ATP6V1C2: variants seen among roughly 807,000 people sequenced by gnomAD.
ATP6V1C2 encodes the protein V-type proton ATPase subunit C 2.
In ATP6V1C2, 45 loss-of-function variants were observed where a neutral mutation model predicts 56.8. The ratio of observed to expected loss-of-function variants is 0.79; its 90% CI spans 0.62 to 1.02. The LOEUF (loss-of-function observed/expected upper bound fraction) is 1.02. Among genes scored for constraint, ATP6V1C2 ranks in the 50% least tolerant of loss-of-function variants. The pLI is 0.00. For synonymous variants in ATP6V1C2, 220 were observed against 201.3 expected (o/e 1.09, Z -0.79); for missense variants, 463 against 519.7 (o/e 0.89, Z 1.06).
At chr2:10,731,551 A>G (rs1228090616) in intron 3 of ATP6V1C2, among the ~76,000 whole-genome samples, 2 of 152,220 alleles carry the variant, frequency 1.3e-5, no homozygotes, top group Admixed American at 1.3e-4. Flanking sequence ...GCTAAACCTA[A>G]GAAAGGCCTG....
rs1227574785 is a variant in ATP6V1C2 at position 10,780,168 on chromosome 2, C to T, written c.1061+1499C>T. 6.6e-6 allele frequency among the ~76,000 whole-genome samples: 1 copy of T among 152,186 alleles called. No individual in the cohort carries two copies. The highest frequency in any genetic ancestry group is 1.9e-4 in the East Asian group (1 of 5,176). The stretch of plus-strand genomic sequence containing the variant: ...GCCATCTGCCTGCCGTAGGCTTTAC[C>T]TGGGTATCTGTCTCATCTCCCCTCC... On this transcript the variant is annotated intron_variant, in intron 12 of 13. Transcript: ENST00000272238. This position sits in a 1 kb window ranked among gnomAD's most constrained non-coding sequence, Gnocchi z 4.1.
At chr2:10,770,968 G>C (rs1664562910) in intron 6 of ATP6V1C2, among the ~76,000 whole-genome samples, 1 of 152,258 alleles carries the variant, frequency 6.6e-6, no homozygotes, top group Non-Finnish European at 1.5e-5. Context: ...AGGTGAGCCA[G>C]GGAGAGAGGT....
Position 10,783,162 on chromosome 2 carries a change from C to T in ATP6V1C2, c.1195-12C>T. On this transcript the variant is annotated splice_polypyrimidine_tract_variant and intron_variant, in intron 13 of 13. Coordinates refer to ENST00000272238, the MANE Select transcript of ATP6V1C2 (RefSeq NM_001039362.2). ...TTATGCACTTAGAGCATTACCATGT[C>T]TTCTTTTGTAGGCATCTGTGGAGAT... 6.2e-7 allele frequency: 1 copy of T among 1,605,306 alleles called. No individual in the cohort carries two copies. The highest frequency in any genetic ancestry group is 8.5e-7 in the Non-Finnish European group (1 of 1,172,128).
chr2:10,732,949 G>A (rs1662045530), intron 3 of ATP6V1C2, among the ~76,000 whole-genome samples: 1 of 144,458 alleles, frequency 6.9e-6, no homozygotes, highest in African/African-American at 2.6e-5. Flanking sequence ...CCAGCCTGAC[G>A]ACAGAGCAAG....
At chr2:10,722,318 TA>T (rs1057205469) in intron 1 of ATP6V1C2, among the ~76,000 whole-genome samples, 27 of 152,062 alleles carry the variant, frequency 1.8e-4, no homozygotes, top group African/African-American at 4.1e-4. Context: ...TTTTCTTATT[TA>T]AAAAAATCCT....
At chr2:10,748,555 T>TA (rs1196139076) in intron 3 of ATP6V1C2, among the ~76,000 whole-genome samples, 2 of 152,192 alleles carry the variant, frequency 1.3e-5, no homozygotes, top group African/African-American at 2.4e-5. Context: ...TCAAGGTCTT[T>TA]ATATATTGTT....
intron 7 of ATP6V1C2, 25 bp downstream of exon 7, chr2:10,771,962 A>C: frequency 6.2e-7 from 1 of 1,601,724 alleles, no homozygotes; most frequent in Non-Finnish European, 8.6e-7. Context: ...ATCACGAAGG[A>C]AACCGGCCCT....
At position 10,768,785 on chromosome 2, in the gene ATP6V1C2, C is replaced by T. The variant is rs1468591690; in HGVS notation, c.445C>T (p.Leu149=). Residue 149 remains leucine (L), a synonymous_variant, in exon 6 of 14, where the codon CTG becomes TTG. Transcript: ENST00000272238. The stretch of plus-strand genomic sequence containing the variant: ...CGCCTACAACACTCTGAAGACAAAC[C>T]TGGAGAACCTGGAAAAGAAATCCAT... ...TAAYNTLKTN[L]ENLEKKSMGN... 1.2e-6 allele frequency: 2 copies of T among 1,613,932 alleles called. No individual in the cohort carries two copies. Among genetic ancestry groups the T allele is most frequent in the Non-Finnish European group, 1.7e-6 (2 of 1,180,008 alleles).
chr2:10,740,954 T>C (rs1186818535), intron 3 of ATP6V1C2, among the ~76,000 whole-genome samples: 1 of 152,258 alleles, frequency 6.6e-6, no homozygotes, highest in Non-Finnish European at 1.5e-5. Flanking sequence ...CCCAAAGTGC[T>C]GGGATTACAG....
intron 12 of ATP6V1C2, among the ~76,000 whole-genome samples, chr2:10,781,498 A>G (rs183020391): frequency 6.6e-6 from 1 of 152,212 alleles, no homozygotes; most frequent in African/African-American, 2.4e-5. Flanking sequence ...ATAGATAAAT[A>G]AAACCTTAGT....
At chr2:10,753,386 T>G (rs557106419) in intron 3 of ATP6V1C2, among the ~76,000 whole-genome samples, 1 of 152,300 alleles carries the variant, frequency 6.6e-6, no homozygotes, top group South Asian at 2.1e-4. Context: ...AATTCCTTAT[T>G]GTCGGACCTT....
intron 4 of ATP6V1C2, among the ~76,000 whole-genome samples, chr2:10,756,092 C>T (rs1397538678): frequency 1.3e-5 from 2 of 152,192 alleles, no homozygotes; most frequent in Non-Finnish European, 2.9e-5. Flanking sequence ...TGTGGTGGCT[C>T]ACGCCTGTAA....
Position 10,763,458 on chromosome 2 carries a change from A to G in ATP6V1C2, c.284-873A>G, listed in dbSNP as rs1482760434. 4.0e-5 allele frequency among the ~76,000 whole-genome samples: 6 copies of G among 151,894 alleles called. No individual in the cohort carries two copies. Among genetic ancestry groups the G allele is most frequent in the Non-Finnish European group, 7.4e-5 (5 of 67,954 alleles). On this transcript the variant is annotated intron_variant, in intron 4 of 13. Transcript: ENST00000272238. The surrounding 1 kb of genome is among the most constrained non-coding windows in gnomAD (Gnocchi z 4.2). ...GGACCTTGGGCAGGGGGTGGTGTCT[A>G]GTGTGTGTCCCCAGCAGGGTGATGG...
At chr2:10,774,955 A>ACC in intron 9 of ATP6V1C2, 23 bp from the exon 10 acceptor site, 1 of 1,613,112 alleles carries the variant, frequency 6.2e-7, no homozygotes. Flanking sequence ...CTGAGTGAAA[A>ACC]CCCATGATTT....
chr2:10,732,698 C>T (rs540609569), intron 3 of ATP6V1C2, among the ~76,000 whole-genome samples: 10 of 152,022 alleles, frequency 6.6e-5, no homozygotes, highest in African/African-American at 9.6e-5. Flanking sequence ...GAAGGCCAGG[C>T]GCGGTGGCTC....
At position 10,778,631 on chromosome 2, in the gene ATP6V1C2, C is replaced by T. The variant is rs1665152411; in HGVS notation, c.1023C>T (p.His341=). ...GTGAAGCCTTCATTGCCTGGATCCA[C>T]ATCAAGGCCCTGAGAGTGTTTGTGG... ...NFSEAFIAWI[H]IKALRVFVES... Residue 341 remains histidine (H), a synonymous_variant, in exon 12 of 14, where the codon CAC becomes CAT. Transcript: ENST00000272238. The T allele has an allele frequency of 3.1e-6, 5 of 1,614,118 alleles. No homozygotes were observed. The South Asian group carries it at 4.4e-5, about 14-fold the overall frequency.
chr2:10,726,603 G>C, intron 3 of ATP6V1C2, 34 bp downstream of exon 3: 1 of 1,560,930 alleles, frequency 6.4e-7, no homozygotes, highest in South Asian at 1.1e-5. Context: ...ATACAAGTGA[G>C]AATTTGACAT....
chr2:10,763,250 G>A lies in ATP6V1C2; in HGVS notation c.284-1081G>A, dbSNP rs1184847516. ...CTGACACCCGGCGCCCTCCATCACC[G>A]GCCACACGGCCACCTCCTCTTCCCC... On this transcript the variant is annotated intron_variant, in intron 4 of 13. Transcript: ENST00000272238. This position sits in a 1 kb window ranked among gnomAD's most constrained non-coding sequence, Gnocchi z 4.2. 1.3e-5 allele frequency among the ~76,000 whole-genome samples: 2 copies of A among 152,068 alleles called. No homozygotes were observed. Among genetic ancestry groups the A allele is most frequent in the Admixed American group, 6.6e-5 (1 of 15,262 alleles).
intron 3 of ATP6V1C2, among the ~76,000 whole-genome samples, chr2:10,727,315 C>G (rs1199473548): frequency 6.6e-6 from 1 of 151,774 alleles, no homozygotes; most frequent in Admixed American, 6.6e-5. Context: ...GGTGATCCAC[C>G]TGCCTCGACC....
Sources: gnomAD v4.1 joint callset for allele counts (sites outside exome capture counted in the v4.1 genomes callset) on GRCh38, gnomAD v4.1.1 for gene constraint, Gnocchi (gnomAD v3.1) non-coding constraint, MANE v1.5 for transcripts, NCBI Gene and HGNC (gene_info 2026-07-23, HGNC 2026-07-21) for gene names.